Variants in PDGFD observed in about 807,000 individuals in gnomAD.
The protein encoded by PDGFD is platelet derived growth factor D.
Under a neutral mutation model 44.7 loss-of-function variants are expected in PDGFD, and 30 were observed. The observed-to-expected ratio is 0.67, with a 90% confidence interval of 0.50 to 0.91. The LOEUF (loss-of-function observed/expected upper bound fraction) is 0.91. Ranked by LOEUF, PDGFD falls within the 40% of genes least tolerant of loss-of-function variation. The pLI is 0.00. For synonymous variants in PDGFD, 173 were observed against 168.4 expected (o/e 1.03, Z -0.21); for missense variants, 445 against 457.8 (o/e 0.97, Z 0.25).
intron 1 of PDGFD, among the ~76,000 whole-genome samples, chr11:104,158,981 C>G (rs1205856648): frequency 6.6e-6 from 1 of 151,318 alleles, no homozygotes; most frequent in Non-Finnish European, 1.5e-5. Context: ...GGTGAAACCC[C>G]GTCTCCACTA....
intron 1 of PDGFD, among the ~76,000 whole-genome samples, chr11:104,101,271 A>C (rs186249295): frequency 6.6e-6 from 1 of 152,280 alleles, no homozygotes; most frequent in Admixed American, 6.5e-5. Context: ...ATGCAAAATC[A>C]ATGTGCAAAA....
chr11:104,136,625 A>G lies in PDGFD; in HGVS notation c.124+27179T>C, dbSNP rs555655203. 3.3e-5 allele frequency among the ~76,000 whole-genome samples: 5 copies of G among 152,350 alleles called. No individual in the cohort carries two copies. In the East Asian group the frequency reaches 9.6e-4, roughly 29 times the overall value. ...CACGTATTGCTCTGGAAAAATAAAC[A>G]TTTTATAAATTACAACATCAATGAA... On this transcript the variant is annotated intron_variant, in intron 1 of 6. Coordinates refer to ENST00000393158, the MANE Select transcript of PDGFD (RefSeq NM_025208.5).
intron 3 of PDGFD, among the ~76,000 whole-genome samples, chr11:103,984,373 C>T (rs2134353759): frequency 6.6e-6 from 1 of 151,586 alleles, no homozygotes. Flanking sequence ...AATACATGGA[C>T]ACATACAGGG....
At chr11:104,131,107 T>C (rs80215253) in intron 1 of PDGFD, among the ~76,000 whole-genome samples, 2,243 of 152,336 alleles carry the variant, frequency 0.015, 32 homozygotes, top group Middle Eastern at 0.037. Context: ...CATGAAGTTG[T>C]AGTCAGTCTT....
At chr11:104,060,004 G>A (rs919548498) in intron 1 of PDGFD, among the ~76,000 whole-genome samples, 2 of 152,172 alleles carry the variant, frequency 1.3e-5, no homozygotes, top group Admixed American at 6.5e-5. Flanking sequence ...AGCCTGAGGA[G>A]AAACATCAGA....
chr11:103,974,659 T>G (rs1859155797), intron 3 of PDGFD, among the ~76,000 whole-genome samples: 2 of 152,042 alleles, frequency 1.3e-5, no homozygotes, highest in South Asian at 4.1e-4. Context: ...CCCTGGTGTG[T>G]GATGTTCCTC....
At chr11:104,013,126 G>T (rs1859807474) in intron 1 of PDGFD, among the ~76,000 whole-genome samples, 1 of 152,226 alleles carries the variant, frequency 6.6e-6, no homozygotes, top group African/African-American at 2.4e-5. Context: ...GAATGTTGAA[G>T]TGTCTGAATG....
intron 6 of PDGFD, among the ~76,000 whole-genome samples, chr11:103,923,011 C>A (rs764880678): frequency 6.6e-6 from 1 of 152,196 alleles, no homozygotes; most frequent in African/African-American, 2.4e-5. Context: ...ACTATCCACA[C>A]TTTATCAAAC....
chr11:103,990,751 T>C (rs1248135171), intron 3 of PDGFD, among the ~76,000 whole-genome samples: 8 of 152,158 alleles, frequency 5.3e-5, no homozygotes, highest in Non-Finnish European at 1.0e-4. Context: ...TGGCTATATA[T>C]ATATAGTCCT....
At chr11:104,115,018 C>T (rs13377549) in intron 1 of PDGFD, among the ~76,000 whole-genome samples, 19,738 of 151,308 alleles carry the variant, frequency 0.13, 1,414 homozygotes, top group East Asian at 0.29. Flanking sequence ...TACACTGCAC[C>T]TAATTTGTAG....
intron 6 of PDGFD, among the ~76,000 whole-genome samples, chr11:103,921,739 CA>C (rs1246125364): frequency 1.3e-5 from 2 of 151,072 alleles, no homozygotes; most frequent in Non-Finnish European, 3.0e-5. Context: ...AAGAAGAAGT[CA>C]TTTTTTTTTC....
At chr11:104,121,663 T>A (rs1440665712) in intron 1 of PDGFD, among the ~76,000 whole-genome samples, 1 of 152,088 alleles carries the variant, frequency 6.6e-6, no homozygotes, top group Non-Finnish European at 1.5e-5. Context: ...GTGTAAAATG[T>A]GTGTACACAC....
chr11:104,085,975 G>T (rs1861123483), intron 1 of PDGFD, among the ~76,000 whole-genome samples: 1 of 152,206 alleles, frequency 6.6e-6, no homozygotes, highest in Non-Finnish European at 1.5e-5. Context: ...GGACGATAAA[G>T]AGGTTGGATT....
chr11:103,914,107 A>G (rs1398948220), intron 6 of PDGFD, among the ~76,000 whole-genome samples: 1 of 152,178 alleles, frequency 6.6e-6, no homozygotes, highest in Non-Finnish European at 1.5e-5. Flanking sequence ...CGAGAGGGTG[A>G]GTTGGAAGAA....
intron 1 of PDGFD, among the ~76,000 whole-genome samples, chr11:104,150,550 C>G (rs1565349179): frequency 1.3e-5 from 2 of 152,142 alleles, no homozygotes; most frequent in Non-Finnish European, 2.9e-5. Flanking sequence ...ACATTATTAT[C>G]TTACAGTTCT....
chr11:103,992,323 C>A (rs1161289563), intron 3 of PDGFD, among the ~76,000 whole-genome samples: 1 of 152,114 alleles, frequency 6.6e-6, no homozygotes, highest in African/African-American at 2.4e-5. Flanking sequence ...CACATCCCAA[C>A]TTCAACAAGC....
At chr11:104,015,610 C>G (rs1458445064) in intron 1 of PDGFD, among the ~76,000 whole-genome samples, 1 of 152,140 alleles carries the variant, frequency 6.6e-6, no homozygotes. Context: ...GCATGATTTT[C>G]TAGCCTACAT....
In PDGFD at chr11:104,054,116, A is replaced by G. The variant is rs556549909; in HGVS notation, c.125-53861T>C. On this transcript the variant is annotated intron_variant, in intron 1 of 6. Transcript: ENST00000393158. ...CAGAGACTTTTATACCAAATACTGCAGCAACAAACACTGGCATAACTGGAT... is the reference window on the plus strand; with the variant it reads ...CAGAGACTTTTATACCAAATACTGCGGCAACAAACACTGGCATAACTGGAT... Among the ~76,000 whole-genome samples, 18 of 152,258 alleles carry G rather than the reference A, an allele frequency of 1.2e-4. 1 individual carries two copies. Among genetic ancestry groups the G allele is most frequent in the South Asian group, 4.1e-4 (2 of 4,834 alleles).
intron 2 of PDGFD, among the ~76,000 whole-genome samples, chr11:103,998,290 A>G (rs1331501914): frequency 6.6e-6 from 1 of 152,136 alleles, no homozygotes; most frequent in Admixed American, 6.5e-5. Flanking sequence ...GCCCCGAGGT[A>G]GCTTCAGAAT....
Sources: gnomAD v4.1 joint callset for allele counts (sites outside exome capture counted in the v4.1 genomes callset) on GRCh38, gnomAD v4.1.1 for gene constraint, MANE v1.5 for transcripts, NCBI Gene and HGNC (gene_info 2026-07-23, HGNC 2026-07-21) for gene names.